The following TERB2 variants were observed in gnomAD, a reference collection of about 807,000 sequenced individuals.
The protein encoded by TERB2 is telomere repeats-binding bouquet formation protein 2.
In TERB2, 26 loss-of-function variants were observed where a neutral mutation model predicts 29.8. That is an observed-to-expected ratio of 0.87 (90% CI 0.64 to 1.21). The LOEUF (loss-of-function observed/expected upper bound fraction) is 1.21. Among genes scored for constraint, TERB2 ranks in the 50% most tolerant of loss-of-function variants. The pLI, the probability that TERB2 is intolerant of heterozygous loss-of-function variation, is 0.00. For missense variants in TERB2, 240 were observed against 268.6 expected (o/e 0.89, Z 0.74); for synonymous variants, 80 against 90.8 (o/e 0.88, Z 0.68).
At chr15:44,964,298 GT>G (rs1044368368) in intron 4 of TERB2, among the ~76,000 whole-genome samples, 3 of 151,852 alleles carry the variant, frequency 2.0e-5, no homozygotes, top group African/African-American at 7.2e-5. Flanking sequence ...TCATTAATTT[GT>G]TTTTTCTTCC....
At chr15:44,965,246 G>A (rs1891867503) in intron 4 of TERB2, among the ~76,000 whole-genome samples, 1 of 146,910 alleles carries the variant, frequency 6.8e-6, no homozygotes, top group South Asian at 2.1e-4. Context: ...TTATATGATA[G>A]GTACCAGTAT....
At chr15:44,961,180 C>A in intron 3 of TERB2, among the ~76,000 whole-genome samples, 1 of 142,556 alleles carries the variant, frequency 7.0e-6, no homozygotes, top group African/African-American at 2.7e-5. Context: ...AGTGGATGAA[C>A]ATACCTCAAT....
chr15:44,958,385 C>T lies in TERB2; in HGVS notation c.159C>T (p.Ser53=), dbSNP rs370199137. Residue 53 remains serine, a synonymous_variant, in exon 3 of 7, where the codon AGC becomes AGT. Coordinates refer to ENST00000340827, the MANE Select transcript of TERB2 (RefSeq NM_152448.3). ...TTCTTTCTCCTAGAATATATCAGAG[C>T]CTTGATTACATAGAAGATAATGCTA... ...SHPDTLRIYQ[S]LDYIEDNATV... 6.4e-5 allele frequency: 103 copies of T among 1,611,804 alleles called. 1 individual carries two copies. Among genetic ancestry groups the T allele is most frequent in the Admixed American group, 2.0e-4 (12 of 59,480 alleles).
intron 5 of TERB2, among the ~76,000 whole-genome samples, chr15:44,973,262 T>C (rs1337360753): frequency 1.3e-5 from 2 of 152,200 alleles, no homozygotes; most frequent in East Asian, 3.8e-4. Context: ...CTAACAAACA[T>C]GTTGTGATCA....
chr15:44,956,864 G>A, intron 1 of TERB2, 32 bp from the exon 2 acceptor site: 1 of 1,612,320 alleles, frequency 6.2e-7, no homozygotes, highest in Non-Finnish European at 8.5e-7. Flanking sequence ...CAGGGTGCTT[G>A]ATAGGTTCAC....
intron 2 of TERB2, 23 bp downstream of exon 2, chr15:44,957,000 G>T: frequency 6.3e-7 from 1 of 1,598,614 alleles, no homozygotes; most frequent in Non-Finnish European, 8.6e-7. Context: ...ACCTGGCAGT[G>T]CCTCTTATGT....
At chr15:44,974,162 A>G (rs934724854) in intron 6 of TERB2, among the ~76,000 whole-genome samples, 4 of 152,168 alleles carry the variant, frequency 2.6e-5, no homozygotes, top group African/African-American at 9.7e-5. Context: ...TGCTAAAACA[A>G]TGGTATCAAG....
intron 5 of TERB2, chr15:44,970,762 C>T (rs1891954843): frequency 6.2e-6 from 1 of 161,270 alleles, no homozygotes; most frequent in African/African-American, 2.4e-5. Context: ...GCTGAGTTTC[C>T]ACCTCTGTCC....
chr15:44,958,435 C>A lies in TERB2; in HGVS notation c.209C>A (p.Ser70Tyr), dbSNP rs755937736. ...ACAGTTTTTCATGCCTACTATCTCT[C>A]TGCGGTAGCTAATGCCAAAATAAAA... Reference protein sequence around the residue: ...NATVFHAYYLSAVANAKIKNS... With the variant: ...NATVFHAYYLYAVANAKIKNS... Residue 70 changes from serine (S) to tyrosine (Y), a missense_variant, in exon 3 of 7, where the codon TCT (serine) becomes TAT (tyrosine). Ser to Tyr is a moderately radical substitution (Grantham distance 144, BLOSUM62 -2). Transcript: ENST00000340827. The A allele has an allele frequency of 6.2e-7, 1 of 1,614,160 alleles. No individual in the cohort carries two copies. The highest frequency in any genetic ancestry group is 8.5e-7 in the Non-Finnish European group (1 of 1,180,042).
intron 4 of TERB2, among the ~76,000 whole-genome samples, chr15:44,962,185 T>G (rs867942883): frequency 2.9e-5 from 4 of 136,034 alleles, no homozygotes; most frequent in African/African-American, 5.5e-5. Flanking sequence ...TACCAGTTCT[T>G]TTTTTTTTTT....
At chr15:44,957,071 G>T in intron 2 of TERB2, 94 bp downstream of exon 2, 1 of 1,324,644 alleles carries the variant, frequency 7.5e-7, no homozygotes, top group Non-Finnish European at 1.1e-6. Context: ...TGATGAGGCT[G>T]GGCGCGGTGG....
chr15:44,968,745 G>T (rs1440721786), intron 5 of TERB2, among the ~76,000 whole-genome samples: 2 of 151,388 alleles, frequency 1.3e-5, no homozygotes, highest in Non-Finnish European at 2.9e-5. Flanking sequence ...AGGATTACAG[G>T]CATGAGCCAC....
At chr15:44,970,658 A>T (rs1891953016) in intron 5 of TERB2, 1 of 168,562 alleles carries the variant, frequency 5.9e-6, no homozygotes, top group African/African-American at 2.4e-5. Flanking sequence ...TTCTTTCCTC[A>T]TCAACTCTTG....
intron 3 of TERB2, among the ~76,000 whole-genome samples, chr15:44,959,796 T>A: frequency 6.6e-6 from 1 of 152,192 alleles, no homozygotes; most frequent in East Asian, 1.9e-4. Flanking sequence ...ATCATACATA[T>A]CGTAGATACG....
rs556223739 is a variant in TERB2, at chr15:44,960,527, A to G, written c.287-996A>G. On this transcript the variant is annotated intron_variant, in intron 3 of 6. Coordinates refer to ENST00000340827, the MANE Select transcript of TERB2 (RefSeq NM_152448.3). ...GAGACGCCCTTCTCTAAAAAAATTA[A>G]TTACATAATTGAGTAGAATTAATTT... is the stretch of plus-strand genomic sequence containing the variant. Among the ~76,000 whole-genome samples, 438 of 152,306 alleles carry G rather than the reference A, an allele frequency of 2.9e-3. 8 individuals carry two copies. The highest frequency in any genetic ancestry group is 0.01 in the African/African-American group (422 of 41,566).
chr15:44,972,470 T>G (rs2141244439), intron 5 of TERB2, among the ~76,000 whole-genome samples: 1 of 152,234 alleles, frequency 6.6e-6, no homozygotes, highest in Admixed American at 6.5e-5. Context: ...ATAGTGACTG[T>G]TCAAAACATG....
intron 2 of TERB2, 26 bp from the exon 3 acceptor site, chr15:44,958,346 CT>C (rs757649144): frequency 2.5e-6 from 4 of 1,578,380 alleles, no homozygotes; most frequent in Non-Finnish European, 3.4e-6. Context: ...CTTTCATAAC[CT>C]AAAATATTTC....
intron 5 of TERB2, among the ~76,000 whole-genome samples, chr15:44,971,426 C>G (rs962469303): frequency 6.6e-6 from 1 of 152,126 alleles, no homozygotes; most frequent in Non-Finnish European, 1.5e-5. Flanking sequence ...TCTCTCTTGG[C>G]TCTTCAGGGT....
chr15:44,978,354 G>C, intron 6 of TERB2, 135 bp from the exon 7 acceptor site: 1 of 1,247,822 alleles, frequency 8.0e-7, no homozygotes, highest in Middle Eastern at 3.0e-4. Context: ...CTTCTCACTG[G>C]TATTATTTCT....
Sources: allele counts gnomAD v4.1 joint callset (sites outside exome capture counted in the v4.1 genomes callset), GRCh38; gene constraint gnomAD v4.1.1; transcripts MANE v1.5; gene names NCBI Gene and HGNC (gene_info 2026-07-23, HGNC 2026-07-21).